Variants in GIGYF2 observed in about 807,000 individuals in gnomAD.
GIGYF2 encodes the protein GRB10 interacting GYF protein 2, also known as GRB10-interacting GYF protein 2.
A neutral mutation model predicts 208.1 loss-of-function variants in GIGYF2; 25 were observed. That is an observed-to-expected ratio of 0.12 (90% confidence interval 0.09 to 0.17). The LOEUF (loss-of-function observed/expected upper bound fraction) is 0.17. Among genes scored for constraint, GIGYF2 ranks in the 10% least tolerant of loss-of-function variants. The pLI is 1.00. For missense variants in GIGYF2, 1,302 were observed against 1,579.4 expected (o/e 0.82, Z 2.98); for synonymous variants, 534 against 543.8 (o/e 0.98, Z 0.25).
chr2:232,762,453 A>G (rs1013836288), intron 8 of GIGYF2, among the ~76,000 whole-genome samples: 5 of 151,778 alleles, frequency 3.3e-5, no homozygotes, highest in African/African-American at 7.3e-5. Context: ...GGGTTTCACT[A>G]TGTTGGCCAG....
intron 6 of GIGYF2, among the ~76,000 whole-genome samples, chr2:232,757,638 G>A (rs1445641952): frequency 1.3e-5 from 2 of 152,074 alleles, no homozygotes; most frequent in Non-Finnish European, 2.9e-5. Flanking sequence ...TTGGTAGCAA[G>A]GAGAGGTTGT....
chr2:232,698,223 A>G (rs181563148), intron 1 of GIGYF2: 1 of 152,326 alleles, frequency 6.6e-6, no homozygotes, highest in East Asian at 1.9e-4. Context: ...GCAGTTAATT[A>G]TTTAGTACTG....
intron 12 of GIGYF2, among the ~76,000 whole-genome samples, chr2:232,793,456 C>G (rs776859516): frequency 6.6e-6 from 1 of 151,746 alleles, no homozygotes; most frequent in East Asian, 1.9e-4. Context: ...GCCATTCACA[C>G]GAAAAGAAGA....
intron 2 of GIGYF2, among the ~76,000 whole-genome samples, chr2:232,720,621 G>C (rs980037262): frequency 1.4e-5 from 2 of 147,528 alleles, no homozygotes; most frequent in African/African-American, 5.0e-5. Context: ...TTGAGACGGA[G>C]GCTCACTCTG....
Position 232,794,929 on chromosome 2 carries a change from C to T in GIGYF2, c.1464C>T (p.Leu488=). The change falls in exon 13 of 29, where the codon CTC becomes CTT. Residue 488 remains leucine (L), a synonymous_variant. Coordinates refer to ENST00000373563, the MANE Select transcript of GIGYF2 (RefSeq NM_001103146.3). ...VSTEPDDEEG[L]KHLEQQAEKM... ...CAGAACCTGATGATGAAGAAGGTCT[C>T]AAACATTTGGAGCAGGTAAAAATCC... 18 of 1,612,966 alleles carry T rather than the reference C, an allele frequency of 1.1e-5. No individual in the cohort carries two copies. Among genetic ancestry groups the T allele is most frequent in the Non-Finnish European group, 1.5e-5 (18 of 1,179,036 alleles).
chr2:232,843,132 GCT>G (rs1491546598), intron 23 of GIGYF2: 2 of 109,340 alleles, frequency 1.8e-5, no homozygotes, highest in Non-Finnish European at 3.6e-5. Flanking sequence ...ATGTGTTTAT[GCT>G]GTGTGTGTGT....
rs907280020 is a variant in GIGYF2, at chr2:232,806,383, A to G, written c.1640-108A>G. On this transcript the variant is annotated intron_variant, in intron 14 of 28. Coordinates refer to ENST00000373563, the MANE Select transcript of GIGYF2 (RefSeq NM_001103146.3). The surrounding 1 kb of genome is among the most constrained non-coding windows in gnomAD (Gnocchi z 4.0). ...TGAATTAAATTAGATAGTATAAAAC[A>G]TTTTGACAGATGCCACCTCGATGAG... is the stretch of plus-strand genomic sequence containing the variant. 4 of 826,956 alleles carry G rather than the reference A, an allele frequency of 4.8e-6. No homozygotes were observed. Among genetic ancestry groups the G allele is most frequent in the South Asian group, 1.4e-5 (1 of 73,422 alleles). The allele number at this position is 826,956 out of a possible 1,614,324, so 51.2% of individuals were successfully genotyped here. A position where few individuals can be genotyped will look rare whatever the true frequency, so the allele number is the denominator to read the frequency against.
rs139435119 is a variant in GIGYF2, at chr2:232,729,632, C to T, written c.-43-5523C>T. On this transcript the variant is annotated intron_variant, in intron 2 of 28. Coordinates refer to ENST00000373563, the MANE Select transcript of GIGYF2 (RefSeq NM_001103146.3). The stretch of plus-strand genomic sequence containing the variant: ...AACTTTATCATCTTCAACTTCACAA[C>T]GTATTTGAAGTTTCTTAATTCTGTA... 754 of 1,123,754 alleles carry T rather than the reference C, an allele frequency of 6.7e-4. 1 individual carries two copies. In the African/African-American group the frequency reaches 8.6e-3, roughly 13 times the overall value. The allele number at this position is 1,123,754 out of a possible 1,614,324, so 69.6% of individuals were successfully genotyped here.
At chr2:232,732,563 A>G (rs116375675) in intron 2 of GIGYF2, among the ~76,000 whole-genome samples, 1,868 of 152,260 alleles carry the variant, frequency 0.012, 45 homozygotes, top group African/African-American at 0.042. Flanking sequence ...ACTTGGCATC[A>G]GTTTTAAGAT....
intron 23 of GIGYF2, among the ~76,000 whole-genome samples, chr2:232,842,710 T>C (rs929667096): frequency 6.6e-6 from 1 of 152,130 alleles, no homozygotes; most frequent in Non-Finnish European, 1.5e-5. Flanking sequence ...TCTGGCTGGG[T>C]TGTTCTGTTG....
intron 2 of GIGYF2, among the ~76,000 whole-genome samples, chr2:232,714,296 A>G (rs1024043476): frequency 2.0e-5 from 3 of 152,188 alleles, no homozygotes; most frequent in Admixed American, 6.5e-5. Context: ...TTAACTTTAC[A>G]TAGCCACATG....
chr2:232,816,064 T>C (rs986426267), intron 19 of GIGYF2, among the ~76,000 whole-genome samples: 5 of 152,226 alleles, frequency 3.3e-5, no homozygotes, highest in Admixed American at 3.3e-4. Context: ...CTACATTGTT[T>C]ATGAGACTCC....
Position 232,844,053 on chromosome 2 carries a change from G to A in GIGYF2, c.2897G>A (p.Arg966His), listed in dbSNP as rs371926444. 5.0e-6 allele frequency: 8 copies of A among 1,612,560 alleles called. No individual in the cohort carries two copies. In the African/African-American group the frequency reaches 5.3e-5, roughly 11 times the overall value. ...TCTGTTTTTATGCAACAGCAAAGGC[G>A]CCAGCAGAGGGAGTTGATGAAAGCT... Reference protein sequence around the residue: ...RERQLREEQRRQQRELMKALQ... With the variant: ...RERQLREEQRHQQRELMKALQ... Residue 966 changes from arginine to histidine, a missense_variant, in exon 24 of 29, where the codon CGC becomes CAC. By Grantham distance (29) the Arg-to-His change is conservative. This residue lies in a region of GIGYF2 where 701 missense variants were observed against 793.0 expected (regional missense o/e 0.88). Coordinates refer to ENST00000373563, the MANE Select transcript of GIGYF2 (RefSeq NM_001103146.3).
rs572185356 is a variant in GIGYF2, at chr2:232,839,456, C to T, written c.2767-393C>T. Among the ~76,000 whole-genome samples, 4 of 152,264 alleles carry T rather than the reference C, an allele frequency of 2.6e-5. No individual in the cohort carries two copies. In the South Asian group the frequency reaches 8.3e-4, roughly 32 times the overall value. On this transcript the variant is annotated intron_variant, in intron 22 of 28. Transcript: ENST00000373563. The stretch of plus-strand genomic sequence containing the variant: ...CCTTAACACTTTCACTGGACAGCAG[C>T]ATATCATGTCCTTTGTTGCTTTCGT...
At position 232,822,572 on chromosome 2, in the gene GIGYF2, T is replaced by C. The variant is rs570012150; in HGVS notation, c.2529+2587T>C. The stretch of plus-strand genomic sequence containing the variant: ...GGCGTGCGCCTGTAATCCCAGTTAC[T>C]TGGGTGGCTGAGGCAGGAGAACTGC... On this transcript the variant is annotated intron_variant, in intron 21 of 28. Transcript: ENST00000373563. 2.0e-5 allele frequency among the ~76,000 whole-genome samples: 3 copies of C among 152,168 alleles called. No homozygotes were observed. The East Asian group carries it at 5.8e-4, about 29-fold the overall frequency.
At chr2:232,700,879 GAGT>G (rs1226733656) in intron 1 of GIGYF2, among the ~76,000 whole-genome samples, 3 of 152,114 alleles carry the variant, frequency 2.0e-5, no homozygotes, top group Non-Finnish European at 4.4e-5. Context: ...AAAAGTCCTA[GAGT>G]TTCCATTCAT....
chr2:232,815,601 C>T (rs745749999), intron 18 of GIGYF2, 36 bp from the exon 19 acceptor site: 7 of 1,099,366 alleles, frequency 6.4e-6, no homozygotes, highest in Admixed American at 3.4e-5. Context: ...TGTGTAAGCT[C>T]TGTCATTCCT....
At chr2:232,854,960 C>A (rs998354525) in intron 28 of GIGYF2, among the ~76,000 whole-genome samples, 39 of 151,902 alleles carry the variant, frequency 2.6e-4, no homozygotes, top group African/African-American at 6.8e-4. Context: ...GGGAGTCACT[C>A]AGTTTAAAGA....
intron 12 of GIGYF2, among the ~76,000 whole-genome samples, chr2:232,791,942 A>G (rs988520885): frequency 1.5e-4 from 23 of 152,150 alleles, no homozygotes; most frequent in African/African-American, 4.6e-4. Context: ...TTGCTCATAC[A>G]CTTTATTAGG....
Sources: gnomAD v4.1 joint callset for allele counts (sites outside exome capture counted in the v4.1 genomes callset) on GRCh38, gnomAD v4.1.1 for gene constraint, gnomAD v4.1.1 regional missense constraint, Gnocchi (gnomAD v3.1) non-coding constraint, MANE v1.5 for transcripts, NCBI Gene and HGNC (gene_info 2026-07-23, HGNC 2026-07-21) for gene names.